The following RB1 variants were observed in gnomAD, a reference collection of about 807,000 sequenced individuals.
The protein encoded by RB1 is RB transcriptional corepressor 1.
In RB1, 18 loss-of-function variants were observed where a neutral mutation model predicts 135.4. That is an observed-to-expected ratio of 0.13 (90% confidence interval 0.09 to 0.20). The LOEUF (loss-of-function observed/expected upper bound fraction) is 0.20. Ranked by LOEUF, RB1 falls within the 10% of genes least tolerant of loss-of-function variation. The pLI is 1.00. For missense variants in RB1, 868 were observed against 1,110.0 expected (o/e 0.78, Z 3.10); for synonymous variants, 365 against 373.2 (o/e 0.98, Z 0.25).
chr13:48,364,306 C>G (rs934030117), intron 8 of RB1, among the ~76,000 whole-genome samples: 4 of 152,092 alleles, frequency 2.6e-5, no homozygotes, highest in Non-Finnish European at 5.9e-5. Flanking sequence ...AGATACTAGT[C>G]TATTTTATCA....
rs544414560 is a variant in RB1, at chr13:48,369,012, A to C, written c.1127+408A>C. 1.9e-3 allele frequency among the ~76,000 whole-genome samples: 282 copies of C among 152,282 alleles called. 2 individuals are homozygous for C. The highest frequency in any genetic ancestry group is 6.5e-3 in the African/African-American group (272 of 41,554). On this transcript the variant is annotated intron_variant, in intron 11 of 26. Coordinates refer to ENST00000267163, the MANE Select transcript of RB1 (RefSeq NM_000321.3). Reference sequence around the variant, plus strand: ...CAAGAGCGAAACTCCGTCTCAAAAAAAAAATGTGTATATATAATCTTTGTG... The same window carrying C: ...CAAGAGCGAAACTCCGTCTCAAAAACAAAATGTGTATATATAATCTTTGTG...
chr13:48,411,859 C>A, intron 17 of RB1: 14 of 1,613,722 alleles, frequency 8.7e-6, no homozygotes, highest in Non-Finnish European at 1.2e-5. Context: ...CCCACTATTT[C>A]GATGAAAATT....
intron 17 of RB1, among the ~76,000 whole-genome samples, chr13:48,421,710 T>C (rs1949007581): frequency 6.6e-6 from 1 of 152,164 alleles, no homozygotes; most frequent in Admixed American, 6.5e-5. Context: ...GGGTGAAGGA[T>C]ATGAACTGAC....
rs772625432 is a variant in RB1 at position 48,473,345 on chromosome 13, A to C, written c.2490-15A>C. ...GTTTTTTATTACTAATTGGTATTTC[A>C]TCTTAACTTGACAGAATCTTAGTAT... On this transcript the variant is annotated splice_polypyrimidine_tract_variant and intron_variant, in intron 23 of 26. Coordinates refer to ENST00000267163, the MANE Select transcript of RB1 (RefSeq NM_000321.3). The C allele has an allele frequency of 1.5e-5, 24 of 1,567,472 alleles. No homozygotes were observed. The highest frequency in any genetic ancestry group is 1.7e-5 in the Non-Finnish European group (19 of 1,139,554).
chr13:48,380,028 T>C, intron 14 of RB1, 25 bp from the exon 15 acceptor site: 1 of 1,302,740 alleles, frequency 7.7e-7, no homozygotes, highest in Non-Finnish European at 1.0e-6. Flanking sequence ...AACTTCTTTT[T>C]TTTTTTTTAA....
intron 26 of RB1, among the ~76,000 whole-genome samples, chr13:48,478,087 C>T (rs529306129): frequency 6.6e-6 from 1 of 152,232 alleles, no homozygotes; most frequent in South Asian, 2.1e-4. Context: ...GTAACATTTC[C>T]CAGTATCTGC....
chr13:48,349,637 C>T (rs1438772614), intron 6 of RB1, among the ~76,000 whole-genome samples: 3 of 151,818 alleles, frequency 2.0e-5, no homozygotes, highest in Admixed American at 6.6e-5. Context: ...GAAGAGAAGA[C>T]CACAAAACAA....
rs2138142819 is a variant in RB1, at chr13:48,380,181, A to T, written c.1438A>T (p.Asn480Tyr). 1 of 1,598,752 alleles carries T rather than the reference A, an allele frequency of 6.3e-7. No homozygotes were observed. The highest frequency in any genetic ancestry group is 8.5e-7 in the Non-Finnish European group (1 of 1,172,452). The change falls in exon 16 of 27, where the codon AAC becomes TAC. Residue 480 changes from asparagine to tyrosine, a missense_variant. Physicochemically the swap from Asn to Tyr is moderately radical, Grantham distance 143. Coordinates refer to ENST00000267163, the MANE Select transcript of RB1 (RefSeq NM_000321.3). ...TTCCTTTAGCAAACTTCTGAATGAC[A>T]ACATTTTTCATATGTCTTTATTGGC... ...IQNFSKLLND[N>Y]IFHMSLLACA... is the part of the protein sequence containing the mutation.
At chr13:48,450,302 G>A (rs776987587) in intron 17 of RB1, among the ~76,000 whole-genome samples, 17 of 152,034 alleles carry the variant, frequency 1.1e-4, no homozygotes, top group Non-Finnish European at 2.1e-4. Flanking sequence ...GTTAATTTTT[G>A]TATAAGGTTT....
intron 2 of RB1, among the ~76,000 whole-genome samples, chr13:48,308,359 T>A (rs1373406870): frequency 6.7e-6 from 1 of 148,460 alleles, no homozygotes; most frequent in African/African-American, 2.5e-5. Context: ...CAAAAAAAAA[T>A]AAATAAAAAT....
intron 23 of RB1, among the ~76,000 whole-genome samples, chr13:48,471,913 G>T (rs1949473411): frequency 6.6e-6 from 1 of 152,046 alleles, no homozygotes; most frequent in African/African-American, 2.4e-5. Context: ...CCTCACCTTG[G>T]GCAGGTCTCT....
At chr13:48,403,207 T>C (rs1382571709) in intron 17 of RB1, among the ~76,000 whole-genome samples, 1 of 152,144 alleles carries the variant, frequency 6.6e-6, no homozygotes, top group African/African-American at 2.4e-5. Context: ...TTTGTGTAAC[T>C]TGGATTGTGC....
chr13:48,347,386 T>C (rs753116228), intron 4 of RB1, among the ~76,000 whole-genome samples: 3 of 152,242 alleles, frequency 2.0e-5, no homozygotes, highest in African/African-American at 4.8e-5. Context: ...AGGGATCAGA[T>C]TGGTAGTAAT....
chr13:48,472,819 T>C (rs1949480291), intron 23 of RB1, among the ~76,000 whole-genome samples: 1 of 152,196 alleles, frequency 6.6e-6, no homozygotes, highest in Admixed American at 6.5e-5. Context: ...TGTCGAGTCA[T>C]GTCAGGCTAA....
intron 2 of RB1, chr13:48,320,463 C>T (rs1264132765): frequency 2.4e-6 from 2 of 847,026 alleles, no homozygotes; most frequent in East Asian, 2.6e-5. Context: ...GAGTAGCGTT[C>T]CTGAGAAACA....
intron 6 of RB1, among the ~76,000 whole-genome samples, chr13:48,355,788 G>A (rs1301063870): frequency 6.6e-6 from 1 of 152,018 alleles, no homozygotes; most frequent in Non-Finnish European, 1.5e-5. Flanking sequence ...TGGACCTGGA[G>A]ATCATTATGT....
chr13:48,377,708 T>G (rs546853757), intron 13 of RB1, among the ~76,000 whole-genome samples: 17 of 152,298 alleles, frequency 1.1e-4, no homozygotes, highest in African/African-American at 3.8e-4. Context: ...TCTTTTTGAT[T>G]CTACAGCCAT....
chr13:48,349,539 A>G (rs1298512744), intron 6 of RB1, among the ~76,000 whole-genome samples: 2 of 152,030 alleles, frequency 1.3e-5, no homozygotes, highest in Non-Finnish European at 2.9e-5. Context: ...CATACAATGT[A>G]GACATGAAAA....
chr13:48,478,908 TG>T (rs1949519862), intron 26 of RB1, among the ~76,000 whole-genome samples: 1 of 152,172 alleles, frequency 6.6e-6, no homozygotes. Flanking sequence ...TTGTCTATAT[TG>T]TAATTCATAA....
Sources: gnomAD v4.1 joint callset for allele counts (sites outside exome capture counted in the v4.1 genomes callset) on GRCh38, gnomAD v4.1.1 for gene constraint, MANE v1.5 for transcripts, NCBI Gene and HGNC (gene_info 2026-07-23, HGNC 2026-07-21) for gene names.